TUSC3: variants seen among roughly 807,000 people sequenced by gnomAD.
TUSC3 encodes tumor suppressor candidate 3.
A neutral mutation model predicts 44.8 loss-of-function variants in TUSC3; 45 were observed. The observed-to-expected ratio is 1.00, with a 90% CI of 0.79 to 1.29. The LOEUF is 1.29. Among genes scored for constraint, TUSC3 ranks in the 50% most tolerant of loss-of-function variants. The pLI is 0.00. For synonymous variants in TUSC3, 212 were observed against 152.9 expected, an observed-to-expected ratio of 1.39 and a Z score of -2.85; for missense variants, 519 against 437.9, an observed-to-expected ratio of 1.19 and a Z score of -1.65.
intron 1 of TUSC3, among the ~76,000 whole-genome samples, chr8:15,584,597 A>G (rs926069968): frequency 1.3e-5 from 2 of 151,982 alleles, no homozygotes; most frequent in Non-Finnish European, 2.9e-5. Flanking sequence ...ATGGTAAGAA[A>G]TGGTAAAGGC....
the TUSC3 span, chr8:15,806,974 C>A: frequency 1.5e-5 from 22 of 1,466,300 alleles, no homozygotes; most frequent in Non-Finnish European, 1.8e-5. Context: ...CTCCAGGAAA[C>A]CTGTTCTGAT....
chr8:15,741,028 A>G (rs1213584046), intron 7 of TUSC3, among the ~76,000 whole-genome samples: 1 of 152,228 alleles, frequency 6.6e-6, no homozygotes, highest in African/African-American at 2.4e-5. Flanking sequence ...GAGGGAGAGT[A>G]GTAAAAATGA....
chr8:15,491,076 G>C lies in TUSC3; in HGVS notation n.189+7593G>C, dbSNP rs147048763. Among the ~76,000 whole-genome samples the C allele has an allele frequency of 9.5e-3, 1,453 of 152,330 alleles. 26 individuals carry two copies. Among genetic ancestry groups the C allele is most frequent in the African/African-American group, 0.033 (1,378 of 41,578 alleles). ...ACATTTTACATATGAGAAGGGGGTA[G>C]AGGAATAGTCACAGATGCATTTGTC... On this transcript the variant is annotated intron_variant and non_coding_transcript_variant, in intron 2 of 5. Coordinates refer to the TUSC3 transcript ENST00000503191.
chr8:15,850,153 C>T, the TUSC3 span, among the ~76,000 whole-genome samples: 1 of 148,978 alleles, frequency 6.7e-6, no homozygotes, highest in Non-Finnish European at 1.5e-5. Flanking sequence ...AACATTAACT[C>T]TCTGAAATGT....
At chr8:15,688,223 C>T (rs956868165) in intron 6 of TUSC3, among the ~76,000 whole-genome samples, 4 of 151,684 alleles carry the variant, frequency 2.6e-5, no homozygotes, top group East Asian at 1.9e-4. Flanking sequence ...TAATTATATA[C>T]ATTCAGGATT....
At chr8:15,466,905 T>A (rs1350146933) in intron 1 of TUSC3, among the ~76,000 whole-genome samples, 2 of 152,144 alleles carry the variant, frequency 1.3e-5, no homozygotes, top group Non-Finnish European at 2.9e-5. Flanking sequence ...GTTTCTTTCG[T>A]CCTTTTATGT....
the TUSC3 span, among the ~76,000 whole-genome samples, chr8:15,775,205 C>T: frequency 1.3e-5 from 2 of 152,008 alleles, no homozygotes; most frequent in African/African-American, 2.4e-5. Context: ...ATGCCAGATA[C>T]GAAAAGCCAC....
chr8:15,559,330 C>T (rs199792996), intron 1 of TUSC3, among the ~76,000 whole-genome samples: 13,188 of 125,608 alleles, frequency 0.1, 923 homozygotes, highest in East Asian at 0.13. Flanking sequence ...AGATTCTTAA[C>T]CCTGAGTTCT....
chr8:15,436,817 A>G (rs985388572), intron 1 of TUSC3, among the ~76,000 whole-genome samples: 1 of 152,222 alleles, frequency 6.6e-6, no homozygotes, highest in African/African-American at 2.4e-5. Flanking sequence ...TACAGAGGTT[A>G]ACTCATAAGC....
intron 6 of TUSC3, among the ~76,000 whole-genome samples, chr8:15,710,886 AATATAT>A (rs574835292): frequency 2.0e-5 from 3 of 147,996 alleles, no homozygotes; most frequent in Admixed American, 1.4e-4. Flanking sequence ...TATAATATAA[AATATAT>A]ATATATAAAA....
At chr8:15,602,466 A>T (rs1804329642) in intron 1 of TUSC3, among the ~76,000 whole-genome samples, 1 of 151,566 alleles carries the variant, frequency 6.6e-6, no homozygotes, top group Non-Finnish European at 1.5e-5. Context: ...CAACTTGTAA[A>T]AAGTATTGTG....
intron 1 of TUSC3, among the ~76,000 whole-genome samples, chr8:15,440,023 C>T (rs1210779336): frequency 1.3e-5 from 2 of 152,180 alleles, no homozygotes; most frequent in Non-Finnish European, 2.9e-5. Context: ...GCAAACCTGG[C>T]CCCTACTCTC....
intron 2 of TUSC3, among the ~76,000 whole-genome samples, chr8:15,485,464 C>CTTTTTTTTTTTTT (rs11372919): frequency 1.5e-5 from 2 of 135,236 alleles, no homozygotes; most frequent in African/African-American, 5.6e-5. Flanking sequence ...ACTCTGTTGT[C>CTTTTTTTTTTTTT]TTTTTTTTTT....
intron 2 of TUSC3, among the ~76,000 whole-genome samples, chr8:15,641,655 G>A (rs1403598660): frequency 6.6e-6 from 1 of 152,130 alleles, no homozygotes; most frequent in East Asian, 1.9e-4. Context: ...TACTAGTATT[G>A]TCATGCTAAA....
rs569696738 is a variant in TUSC3 at position 15,465,359 on chromosome 8, G to T, written n.92-18027G>T. ...ATGTCTCAAATTTAGCACAAAGTAGGGAGAGGTTAAAAAAGATTTTGAACC... is the reference window on the plus strand; with the variant it reads ...ATGTCTCAAATTTAGCACAAAGTAGTGAGAGGTTAAAAAAGATTTTGAACC... On this transcript the variant is annotated intron_variant and non_coding_transcript_variant, in intron 1 of 5. Coordinates refer to the TUSC3 transcript ENST00000503191. Among the ~76,000 whole-genome samples the T allele has an allele frequency of 2.8e-4, 43 of 152,194 alleles. 1 individual carries two copies. The South Asian group carries it at 8.1e-3, about 29-fold the overall frequency.
At chr8:15,733,394 T>TC in intron 7 of TUSC3, 1 of 414,314 alleles carries the variant, frequency 2.4e-6, no homozygotes, top group South Asian at 1.8e-5. Flanking sequence ...TGATGTAGCA[T>TC]CTTAGCAGTA....
At chr8:15,762,776 T>C (rs1321911558) in intron 10 of TUSC3, among the ~76,000 whole-genome samples, 1 of 152,112 alleles carries the variant, frequency 6.6e-6, no homozygotes, top group Admixed American at 6.6e-5. Flanking sequence ...ACGCTATCTT[T>C]TCAAAACATA....
At chr8:15,519,343 A>T (rs1238041045) in intron 2 of TUSC3, among the ~76,000 whole-genome samples, 1 of 152,156 alleles carries the variant, frequency 6.6e-6, no homozygotes, top group East Asian at 1.9e-4. Context: ...CATTTTTTAT[A>T]GCTTTTCTTT....
At chr8:15,832,843 A>C in the TUSC3 span, among the ~76,000 whole-genome samples, 5 of 152,154 alleles carry the variant, frequency 3.3e-5, no homozygotes, top group African/African-American at 1.2e-4. Context: ...GAGAGACTTC[A>C]ACACCCCAAT....
Sources: gnomAD v4.1 joint callset for allele counts (sites outside exome capture counted in the v4.1 genomes callset) on GRCh38, gnomAD v4.1.1 for gene constraint, MANE v1.5 for transcripts, NCBI Gene and HGNC (gene_info 2026-07-23, HGNC 2026-07-21) for gene names.